The following ZNRF1 variants were observed in gnomAD, a reference collection of about 807,000 sequenced individuals.
ZNRF1 encodes zinc and ring finger 1, also known as E3 ubiquitin-protein ligase ZNRF1.
In ZNRF1, 3 loss-of-function variants were observed where a neutral mutation model predicts 18.4. The ratio of observed to expected loss-of-function variants is 0.16; its 90% CI spans 0.07 to 0.42. The LOEUF is 0.42. Among genes scored for constraint, ZNRF1 ranks in the 10% least tolerant of loss-of-function variants. The pLI, the probability that ZNRF1 is intolerant of heterozygous loss-of-function variation, is 0.99. For synonymous variants in ZNRF1, 157 were observed against 144.2 expected (o/e 1.09, Z -0.64); for missense variants, 310 against 329.8 (o/e 0.94, Z 0.47).
intron 1 of ZNRF1, among the ~76,000 whole-genome samples, chr16:75,092,096 C>G (rs1468344990): frequency 6.6e-6 from 1 of 151,910 alleles, no homozygotes; most frequent in African/African-American, 2.4e-5. Flanking sequence ...CCCAGGGGTT[C>G]AAGACCAGCC....
intron 1 of ZNRF1, among the ~76,000 whole-genome samples, chr16:75,066,383 G>A (rs1388641636): frequency 6.6e-6 from 1 of 152,008 alleles, no homozygotes; most frequent in Non-Finnish European, 1.5e-5. Context: ...CATTTGATAC[G>A]GAAAACAAAT....
At chr16:75,039,925 G>A (rs1338394484) in intron 1 of ZNRF1, among the ~76,000 whole-genome samples, 1 of 151,902 alleles carries the variant, frequency 6.6e-6, no homozygotes, top group East Asian at 1.9e-4. Flanking sequence ...TTACTGTTTT[G>A]AAACTGAGGT....
chr16:75,073,511 G>T (rs183214842), intron 1 of ZNRF1, among the ~76,000 whole-genome samples: 8 of 152,106 alleles, frequency 5.3e-5, no homozygotes, highest in Admixed American at 3.9e-4. Flanking sequence ...TGGTGTATTG[G>T]TTTAATTTTT....
chr16:75,090,816 G>C (rs1354896353), intron 1 of ZNRF1, among the ~76,000 whole-genome samples: 1 of 152,176 alleles, frequency 6.6e-6, no homozygotes, highest in East Asian at 1.9e-4. Flanking sequence ...TTTAAGCAAA[G>C]TGGTTGCGTC....
intron 1 of ZNRF1, among the ~76,000 whole-genome samples, chr16:75,028,672 C>T (rs919328546): frequency 3.3e-5 from 5 of 152,238 alleles, no homozygotes; most frequent in African/African-American, 1.2e-4. Flanking sequence ...TTCCATCCTC[C>T]TTGAATCCAC....
intron 1 of ZNRF1, among the ~76,000 whole-genome samples, chr16:75,016,699 C>CTTTTTTTTTT (rs35899706): frequency 3.0e-5 from 3 of 99,512 alleles, no homozygotes; most frequent in African/African-American, 4.3e-5. Context: ...CCATGCCTGG[C>CTTTTTTTTTT]TTTTTTTTTT....
intron 1 of ZNRF1, among the ~76,000 whole-genome samples, chr16:75,067,781 C>A (rs2035823340): frequency 6.6e-6 from 1 of 152,138 alleles, no homozygotes; most frequent in Admixed American, 6.5e-5. Flanking sequence ...TGGATCTGCA[C>A]AGACTATCAT....
intron 1 of ZNRF1, among the ~76,000 whole-genome samples, chr16:75,044,073 A>G (rs2035484143): frequency 1.3e-5 from 2 of 151,986 alleles, no homozygotes; most frequent in African/African-American, 2.4e-5. Context: ...TCAGCCTCCC[A>G]AAGTGCTGGG....
chr16:75,031,797 C>T (rs768246306), intron 1 of ZNRF1, among the ~76,000 whole-genome samples: 37 of 152,184 alleles, frequency 2.4e-4, no homozygotes, highest in Non-Finnish European at 4.3e-4. Context: ...CCACCACACC[C>T]GGCTATATAT....
At chr16:75,022,955 G>C (rs1347452445) in intron 1 of ZNRF1, among the ~76,000 whole-genome samples, 1 of 152,170 alleles carries the variant, frequency 6.6e-6, no homozygotes, top group Non-Finnish European at 1.5e-5. Context: ...ATGATTTATG[G>C]GATCATTGGT....
chr16:75,095,574 C>G (rs1371684828), intron 2 of ZNRF1: 1 of 1,528,172 alleles, frequency 6.5e-7, no homozygotes, highest in South Asian at 1.2e-5. Flanking sequence ...AGGGCGTTCT[C>G]TGTAGACACT....
chr16:75,099,774 C>T (rs1333238853), intron 2 of ZNRF1, among the ~76,000 whole-genome samples: 1 of 152,154 alleles, frequency 6.6e-6, no homozygotes, highest in African/African-American at 2.4e-5. Context: ...GCTGCGAGGC[C>T]CCCGCCATGG....
rs56013949 is a variant in ZNRF1 at position 75,096,061 on chromosome 16, C to CGTGTGTGTGTGTGTGTGTGT, written c.520+2415_520+2434dup. Among the ~76,000 whole-genome samples the CGTGTGTGTGTGTGTGTGTGT allele has an allele frequency of 8.1e-3, 1,134 of 139,576 alleles. 5 individuals carry two copies. The highest frequency in any genetic ancestry group is 0.013 in the Admixed American group (177 of 13,964). 91.6% of individuals were successfully genotyped at this position (139,576 alleles called of 152,430 possible). On this transcript the variant is annotated intron_variant, in intron 2 of 4. Transcript: ENST00000335325. ...GTGCATGTGTTTCTGTATGTGTGCA[C>CGTGTGTGTGTGTGTGTGTGT]GTGTGTGTGTGTGTGTGTGTGTGTG...
chr16:75,079,011 A>G (rs2035977547), intron 1 of ZNRF1, among the ~76,000 whole-genome samples: 1 of 152,146 alleles, frequency 6.6e-6, no homozygotes, highest in Non-Finnish European at 1.5e-5. Flanking sequence ...CCTTACTCCC[A>G]ACCTTCTCCT....
intron 1 of ZNRF1, among the ~76,000 whole-genome samples, chr16:75,031,838 A>G (rs1230555265): frequency 1.3e-5 from 2 of 151,614 alleles, no homozygotes; most frequent in Admixed American, 1.3e-4. Flanking sequence ...GGTCAGTTCT[A>G]CTGTGTCGAG....
intron 2 of ZNRF1, among the ~76,000 whole-genome samples, chr16:75,101,280 G>A (rs926607616): frequency 4.6e-5 from 7 of 152,210 alleles, no homozygotes; most frequent in African/African-American, 7.2e-5. Flanking sequence ...TTATTGCTGG[G>A]CGCGGTGGCT....
At chr16:75,020,572 C>T (rs551955106) in intron 1 of ZNRF1, among the ~76,000 whole-genome samples, 32 of 151,346 alleles carry the variant, frequency 2.1e-4, no homozygotes, top group African/African-American at 6.1e-4. Flanking sequence ...GATGGAGTCT[C>T]GCTGTGTCAC....
At chr16:75,015,818 G>C (rs1284420752) in intron 1 of ZNRF1, among the ~76,000 whole-genome samples, 1 of 152,124 alleles carries the variant, frequency 6.6e-6, no homozygotes, top group Non-Finnish European at 1.5e-5. Context: ...AATGGGGCAA[G>C]ATAGGGATAT....
At chr16:75,049,359 G>A (rs745801299) in intron 1 of ZNRF1, among the ~76,000 whole-genome samples, 4 of 151,592 alleles carry the variant, frequency 2.6e-5, no homozygotes, top group African/African-American at 4.9e-5. Flanking sequence ...ACCAGGTCTC[G>A]CTCTGTTGCC....
Sources: gnomAD v4.1 joint callset for allele counts (sites outside exome capture counted in the v4.1 genomes callset) on GRCh38, gnomAD v4.1.1 for gene constraint, MANE v1.5 for transcripts, NCBI Gene and HGNC (gene_info 2026-07-23, HGNC 2026-07-21) for gene names.